Variants in LUZP2 observed in about 807,000 individuals in gnomAD.
The protein encoded by LUZP2 is leucine zipper protein 2.
In LUZP2, 52 loss-of-function variants were observed where a neutral mutation model predicts 51.6. That is an observed-to-expected ratio of 1.01 (90% CI 0.81 to 1.27). The LOEUF (loss-of-function observed/expected upper bound fraction) is 1.27. LUZP2 is among the 50% of genes most tolerant of loss of function. LUZP2 has a pLI of 0.00. For synonymous variants in LUZP2, 154 were observed against 137.3 expected (o/e 1.12, Z -0.85); for missense variants, 436 against 395.4 (o/e 1.10, Z -0.87).
At chr11:24,890,992 T>C in intron 5 of LUZP2, 9 of 978,140 alleles carry the variant, frequency 9.2e-6, no homozygotes, top group Non-Finnish European at 1.1e-5. Flanking sequence ...TCTCTTCAGT[T>C]ACACTGCTTT....
chr11:24,742,115 G>T (rs1262105588), intron 4 of LUZP2, among the ~76,000 whole-genome samples: 5 of 143,064 alleles, frequency 3.5e-5, no homozygotes, highest in Non-Finnish European at 6.0e-5. Context: ...ATGGGCATTT[G>T]GGTTGGTTCC....
intron 1 of LUZP2, among the ~76,000 whole-genome samples, chr11:24,574,267 T>TA (rs374375522): frequency 0.57 from 74,947 of 130,720 alleles, 23,118 homozygotes; most frequent in East Asian, 0.79. Context: ...TTTCTTGCTT[T>TA]CTTTCTTTCT....
chr11:24,603,463 A>G (rs1853812809), intron 1 of LUZP2, among the ~76,000 whole-genome samples: 1 of 151,854 alleles, frequency 6.6e-6, no homozygotes, highest in Non-Finnish European at 1.5e-5. Flanking sequence ...AGAACCAGAA[A>G]TTTGACACAG....
intron 9 of LUZP2, among the ~76,000 whole-genome samples, chr11:25,021,079 T>C (rs1025214326): frequency 3.3e-5 from 5 of 152,062 alleles, no homozygotes; most frequent in African/African-American, 1.2e-4. Flanking sequence ...CTCTTCTTAG[T>C]TGGGGCTTAT....
intron 1 of LUZP2, among the ~76,000 whole-genome samples, chr11:24,725,614 A>G (rs1858445612): frequency 6.6e-6 from 1 of 152,144 alleles, no homozygotes; most frequent in Non-Finnish European, 1.5e-5. Context: ...GTAAATGTAA[A>G]TACCAATAAG....
At chr11:24,833,295 T>A in intron 5 of LUZP2, among the ~76,000 whole-genome samples, 1 of 152,216 alleles carries the variant, frequency 6.6e-6, no homozygotes, top group East Asian at 1.9e-4. Context: ...CACTCAGTAA[T>A]GGTAGAACTC....
rs556131369 is a variant in LUZP2, at chr11:24,616,770, A to T, written c.63-112399A>T. 4.6e-5 allele frequency among the ~76,000 whole-genome samples: 7 copies of T among 152,038 alleles called. No individual in the cohort carries two copies. The East Asian group carries it at 1.4e-3, about 29-fold the overall frequency. ...TGACCTTATTCTTCTTTTCAATATC[A>T]TTTGTTCTGGTTTACATCTCCTGCC... On this transcript the variant is annotated intron_variant, in intron 1 of 11. Coordinates refer to ENST00000336930, the MANE Select transcript of LUZP2 (RefSeq NM_001009909.4).
At chr11:24,977,956 G>A (rs1432422419) in intron 8 of LUZP2, among the ~76,000 whole-genome samples, 1 of 151,202 alleles carries the variant, frequency 6.6e-6, no homozygotes, top group Non-Finnish European at 1.5e-5. Flanking sequence ...TCACAGCTTA[G>A]TAACCATTTA....
At chr11:24,834,435 T>C (rs1850797626) in intron 5 of LUZP2, among the ~76,000 whole-genome samples, 1 of 152,238 alleles carries the variant, frequency 6.6e-6, no homozygotes, top group Non-Finnish European at 1.5e-5. Flanking sequence ...TCATTCTTTT[T>C]ATGCCTGCAT....
In LUZP2 at chr11:24,590,308, A is replaced by T. The variant is rs997390157; in HGVS notation, c.62+93003A>T. ...TTAAATTTACACATTGCAGTTGTAC[A>T]TATTTACGGAGTACAATTTGATGTC... On this transcript the variant is annotated intron_variant, in intron 1 of 11. Transcript: ENST00000336930. Among the ~76,000 whole-genome samples the T allele has an allele frequency of 2.0e-5, 3 of 152,162 alleles. No individual in the cohort carries two copies. In the South Asian group the frequency reaches 6.2e-4, roughly 32 times the overall value.
At chr11:24,973,775 G>A (rs2133900514) in intron 7 of LUZP2, among the ~76,000 whole-genome samples, 1 of 152,128 alleles carries the variant, frequency 6.6e-6, no homozygotes, top group East Asian at 1.9e-4. Context: ...GTTCTGATTT[G>A]ATTGTGCTGT....
rs970590018 is a variant in LUZP2, at chr11:24,866,138, A to T, written c.397-39853A>T. On this transcript the variant is annotated intron_variant, in intron 5 of 11. Coordinates refer to ENST00000336930, the MANE Select transcript of LUZP2 (RefSeq NM_001009909.4). ...TACACACACACACACACACACACAC[A>T]CACACACACACACACGTATATATTT... Among the ~76,000 whole-genome samples the T allele has an allele frequency of 4.6e-5, 5 of 108,544 alleles. 1 individual carries two copies. The East Asian group carries it at 1.4e-3, about 31-fold the overall frequency. The allele number at this position is 108,544 out of a possible 152,430, so 71.2% of individuals were successfully genotyped here. A position where few individuals can be genotyped will look rare whatever the true frequency, so the allele number is the denominator to read the frequency against.
At chr11:24,826,191 ATATAT>A (rs1192407474) in intron 5 of LUZP2, among the ~76,000 whole-genome samples, 2 of 10,112 alleles carry the variant, frequency 2.0e-4, no homozygotes, top group African/African-American at 4.8e-4. Flanking sequence ...AAAAAAAAAA[ATATAT>A]ATATATATAT....
chr11:24,572,749 A>C (rs1852484157), intron 1 of LUZP2, among the ~76,000 whole-genome samples: 1 of 152,200 alleles, frequency 6.6e-6, no homozygotes, highest in African/African-American at 2.4e-5. Flanking sequence ...TAGACTGGGT[A>C]GTTCTTAAAA....
intron 9 of LUZP2, among the ~76,000 whole-genome samples, chr11:25,022,104 C>T (rs989902859): frequency 6.6e-6 from 1 of 152,000 alleles, no homozygotes; most frequent in South Asian, 2.1e-4. Flanking sequence ...TCTGGAGAAC[C>T]AATGCTCATC....
intron 9 of LUZP2, among the ~76,000 whole-genome samples, chr11:25,026,345 T>A (rs1341671836): frequency 2.0e-5 from 3 of 152,178 alleles, no homozygotes; most frequent in Non-Finnish European, 4.4e-5. Context: ...TTTGAAGTTA[T>A]AACAGAAAAT....
chr11:24,991,301 A>G (rs1284266157), intron 9 of LUZP2, among the ~76,000 whole-genome samples: 1 of 149,880 alleles, frequency 6.7e-6, no homozygotes, highest in African/African-American at 2.5e-5. Context: ...CCATTAATTT[A>G]TTCCTTGTTA....
At chr11:24,900,923 G>A (rs1260537835) in intron 5 of LUZP2, among the ~76,000 whole-genome samples, 1 of 152,122 alleles carries the variant, frequency 6.6e-6, no homozygotes, top group Non-Finnish European at 1.5e-5. Flanking sequence ...CAGCTTTGAA[G>A]CCTCTGCTGT....
chr11:24,645,474 AG>A (rs1855435460), intron 1 of LUZP2, among the ~76,000 whole-genome samples: 1 of 152,152 alleles, frequency 6.6e-6, no homozygotes. Flanking sequence ...TGAATATAAA[AG>A]ACACTAGAAT....
Sources: allele counts gnomAD v4.1 joint callset (sites outside exome capture counted in the v4.1 genomes callset), GRCh38; gene constraint gnomAD v4.1.1; transcripts MANE v1.5; gene names NCBI Gene and HGNC (gene_info 2026-07-23, HGNC 2026-07-21).